Variants in AP2B1 observed in about 807,000 individuals in gnomAD.
The protein encoded by AP2B1 is AP-2 complex subunit beta.
Under a neutral mutation model 102.0 loss-of-function variants are expected in AP2B1, and 23 were observed. The ratio of observed to expected loss-of-function variants is 0.23; its 90% CI spans 0.16 to 0.32. The LOEUF is 0.32. Ranked by LOEUF, AP2B1 falls within the 10% of genes least tolerant of loss-of-function variation. AP2B1 has a pLI of 1.00. For missense variants in AP2B1, 541 were observed against 1,157.4 expected (o/e 0.47, Z 7.73); for synonymous variants, 381 against 421.2 (o/e 0.90, Z 1.17).
chr17:35,685,776 C>G (rs975067424), intron 18 of AP2B1, among the ~76,000 whole-genome samples: 3 of 150,614 alleles, frequency 2.0e-5, no homozygotes, highest in African/African-American at 7.3e-5. Flanking sequence ...TTTTTTTCTT[C>G]TTTGAGATGG....
At chr17:35,689,175 T>G (rs902614630) in intron 18 of AP2B1, among the ~76,000 whole-genome samples, 1 of 152,100 alleles carries the variant, frequency 6.6e-6, no homozygotes, top group Non-Finnish European at 1.5e-5. Flanking sequence ...AGTATTTTAG[T>G]ATGTCTCGTA....
At position 35,709,272 on chromosome 17, in the gene AP2B1, C is replaced by T. The variant is rs782384569; in HGVS notation, c.2503C>T (p.Pro835Ser). ...TGTCTTCTACTTCAGCTGCCTCATC[C>T]CACTCAATGTGCTTTTTGTAGAAGA... ...IDVFYFSCLI[P>S]LNVLFVEDGK... Residue 835 changes from proline (P) to serine (S), a missense_variant, in exon 19 of 22, where the codon CCA becomes TCA. Transcript: ENST00000610402. 2 of 1,614,116 alleles carry T rather than the reference C, an allele frequency of 1.2e-6. No homozygotes were observed. Among genetic ancestry groups the T allele is most frequent in the South Asian group, 2.2e-5 (2 of 91,070 alleles).
At chr17:35,687,833 G>C (rs1234559946) in intron 18 of AP2B1, among the ~76,000 whole-genome samples, 2 of 152,180 alleles carry the variant, frequency 1.3e-5, no homozygotes, top group African/African-American at 4.8e-5. Context: ...TTACAGGTAT[G>C]AGCCTCCACA....
chr17:35,652,521 T>C (rs1378764801), intron 13 of AP2B1, among the ~76,000 whole-genome samples: 1 of 152,332 alleles, frequency 6.6e-6, no homozygotes, highest in East Asian at 1.9e-4. Context: ...TCAGCTGCTC[T>C]ATGGGGGTGA....
At chr17:35,615,315 A>AC (rs1762676968) in intron 5 of AP2B1, among the ~76,000 whole-genome samples, 1 of 152,256 alleles carries the variant, frequency 6.6e-6, no homozygotes, top group African/African-American at 2.4e-5. Flanking sequence ...TAATGTATTT[A>AC]AAATTTTAAA....
chr17:35,629,966 G>A (rs2074417864), intron 9 of AP2B1, among the ~76,000 whole-genome samples: 1 of 152,194 alleles, frequency 6.6e-6, no homozygotes, highest in East Asian at 1.9e-4. Flanking sequence ...TATGGGTTCA[G>A]AGCCCCATGT....
At chr17:35,633,936 C>T (rs1027161218) in intron 9 of AP2B1, among the ~76,000 whole-genome samples, 13 of 152,144 alleles carry the variant, frequency 8.5e-5, no homozygotes, top group African/African-American at 3.1e-4. Flanking sequence ...CACTTGAGGC[C>T]AGGAGTTCGA....
At chr17:35,650,489 A>T (rs769929799) in intron 12 of AP2B1, 41 bp from the exon 13 acceptor site, 3 of 1,600,506 alleles carry the variant, frequency 1.9e-6, no homozygotes, top group Non-Finnish European at 2.6e-6. Context: ...TGTATGGAGA[A>T]CAGTTTCATC....
chr17:35,695,725 C>T (rs1379362885), intron 18 of AP2B1, among the ~76,000 whole-genome samples: 1 of 152,098 alleles, frequency 6.6e-6, no homozygotes, highest in Non-Finnish European at 1.5e-5. Context: ...CCAGAAACAG[C>T]CAGCAATAAT....
chr17:35,721,138 C>T (rs1265688247), intron 21 of AP2B1, among the ~76,000 whole-genome samples: 1 of 152,176 alleles, frequency 6.6e-6, no homozygotes, highest in Non-Finnish European at 1.5e-5. Flanking sequence ...CACTTCTCCC[C>T]AAACCCCAGT....
At position 35,723,872 on chromosome 17, in the gene AP2B1, C is replaced by T. The variant is rs587730416; in HGVS notation, c.*173C>T. 1 of 523,642 alleles carries T rather than the reference C, an allele frequency of 1.9e-6. No individual in the cohort carries two copies. The highest frequency in any genetic ancestry group is 2.8e-5 in the East Asian group (1 of 35,610). The allele number at this position is 523,642 out of a possible 1,614,324, so 32.4% of individuals were successfully genotyped here. A position where few individuals can be genotyped will look rare whatever the true frequency, so the allele number is the denominator to read the frequency against. On this transcript the variant is annotated 3_prime_UTR_variant, in exon 22 of 22. Coordinates refer to ENST00000610402, the MANE Select transcript of AP2B1 (RefSeq NM_001030006.2). ...GGCACAACCTGTTGGATAGTTTTAG[C>T]TTCCTGTGAACATTTGTAACCACTG...
intron 21 of AP2B1, among the ~76,000 whole-genome samples, chr17:35,719,747 A>T (rs1477434608): frequency 6.6e-6 from 1 of 152,234 alleles, no homozygotes; most frequent in Admixed American, 6.5e-5. Flanking sequence ...TGTAATGCCA[A>T]CACTTTGGAA....
At chr17:35,718,373 C>T (rs890100757) in intron 21 of AP2B1, among the ~76,000 whole-genome samples, 17 of 149,426 alleles carry the variant, frequency 1.1e-4, no homozygotes, top group Non-Finnish European at 1.8e-4. Flanking sequence ...CTCCTGAGGC[C>T]TATCAAGTTA....
chr17:35,657,920 A>G lies in AP2B1; in HGVS notation c.1989+129A>G, dbSNP rs116758263. The G allele has an allele frequency of 2.3e-3, 1,766 of 773,884 alleles. 22 individuals are homozygous for G. In the African/African-American group the frequency reaches 0.027, roughly 12 times the overall value. 47.9% of individuals were successfully genotyped at this position (773,884 alleles called of 1,614,324 possible). A position where few individuals can be genotyped will look rare whatever the true frequency, so the allele number is the denominator to read the frequency against. ...GCAGTAGTGTCCTTTGATAAAGGACAGGATTCTTTGTCTTTAGTAAGACAA... is the reference window on the plus strand; with the variant it reads ...GCAGTAGTGTCCTTTGATAAAGGACGGGATTCTTTGTCTTTAGTAAGACAA... On this transcript the variant is annotated intron_variant, in intron 14 of 21. Transcript: ENST00000610402.
At chr17:35,618,992 C>T (rs1160083992) in intron 5 of AP2B1, among the ~76,000 whole-genome samples, 1 of 152,078 alleles carries the variant, frequency 6.6e-6, no homozygotes, top group Non-Finnish European at 1.5e-5. Context: ...TTATATTATC[C>T]TCCCCTACTC....
At chr17:35,612,149 G>T (rs182183607) in intron 5 of AP2B1, among the ~76,000 whole-genome samples, 6 of 152,276 alleles carry the variant, frequency 3.9e-5, no homozygotes, top group Non-Finnish European at 2.9e-5. Context: ...GAAGATCTTT[G>T]CTGTTTTGTC....
Position 35,633,693 on chromosome 17 carries a change from TG to T in AP2B1, c.1156-2647del, listed in dbSNP as rs2074527789. 2.6e-5 allele frequency among the ~76,000 whole-genome samples: 4 copies of T among 152,200 alleles called. No individual in the cohort carries two copies. In the South Asian group the frequency reaches 8.3e-4, roughly 32 times the overall value. On this transcript the variant is annotated intron_variant, in intron 9 of 21. Coordinates refer to ENST00000610402, the MANE Select transcript of AP2B1 (RefSeq NM_001030006.2). ...ATATCATCTTACTCAAGTAGTCCAG[TG>T]TGTATATCTAAGAGATAAGATACTT...
At chr17:35,666,442 A>C (rs1203974968) in intron 14 of AP2B1, among the ~76,000 whole-genome samples, 1 of 152,206 alleles carries the variant, frequency 6.6e-6, no homozygotes, top group East Asian at 1.9e-4. Flanking sequence ...ATTTGGATTT[A>C]GGTATCAGTT....
chr17:35,624,384 C>T lies in AP2B1; in HGVS notation c.526-13C>T, dbSNP rs758802832. 5.6e-6 allele frequency: 9 copies of T among 1,613,408 alleles called. No individual in the cohort carries two copies. In the East Asian group the frequency reaches 1.8e-4, roughly 32 times the overall value. Reference sequence around the variant, plus strand: ...TTCTTGGTGAATCAAGGTCATACCCCCTTCTTTTCCAGGTGGTGGCTAATG... The same window carrying T: ...TTCTTGGTGAATCAAGGTCATACCCTCTTCTTTTCCAGGTGGTGGCTAATG... On this transcript the variant is annotated splice_polypyrimidine_tract_variant and intron_variant, in intron 5 of 21. Transcript: ENST00000610402.
Sources: gnomAD v4.1 joint callset for allele counts (sites outside exome capture counted in the v4.1 genomes callset) on GRCh38, gnomAD v4.1.1 for gene constraint, MANE v1.5 for transcripts, NCBI Gene and HGNC (gene_info 2026-07-23, HGNC 2026-07-21) for gene names.